Variants in NTN1 observed in about 807,000 individuals in gnomAD.
NTN1 encodes netrin-1.
A neutral mutation model predicts 54.2 loss-of-function variants in NTN1; 11 were observed. The ratio of observed to expected loss-of-function variants is 0.20; its 90% CI spans 0.13 to 0.34. NTN1 has a LOEUF of 0.34. Among genes scored for constraint, NTN1 ranks in the 10% least tolerant of loss-of-function variants. The pLI is 1.00. For synonymous variants in NTN1, 371 were observed against 382.0 expected (o/e 0.97, Z 0.33); for missense variants, 740 against 893.1 (o/e 0.83, Z 2.18).
intron 5 of NTN1, among the ~76,000 whole-genome samples, chr17:9,184,238 T>C (rs1199478148): frequency 6.6e-6 from 1 of 152,208 alleles, no homozygotes; most frequent in Non-Finnish European, 1.5e-5. Flanking sequence ...CAGAGGCAGC[T>C]CTGGGAAAGC....
chr17:9,054,476 CT>C (rs1280732027), intron 2 of NTN1, among the ~76,000 whole-genome samples: 2 of 152,162 alleles, frequency 1.3e-5, no homozygotes, highest in African/African-American at 2.4e-5. Flanking sequence ...TTAAAGCCCC[CT>C]GTTTGTTCTA....
intron 1 of NTN1, among the ~76,000 whole-genome samples, chr17:9,021,815 G>A (rs907120458): frequency 6.6e-6 from 1 of 152,068 alleles, no homozygotes; most frequent in Non-Finnish European, 1.5e-5. Context: ...CGACCGGCGC[G>A]CGGGCTCCCC....
intron 2 of NTN1, among the ~76,000 whole-genome samples, chr17:9,045,653 GA>G (rs2091939406): frequency 6.6e-6 from 1 of 152,102 alleles, no homozygotes; most frequent in African/African-American, 2.4e-5. Flanking sequence ...AAAATTAATA[GA>G]ATAAGCCAGA....
At chr17:9,089,138 C>T (rs1479236537) in intron 2 of NTN1, among the ~76,000 whole-genome samples, 6 of 152,074 alleles carry the variant, frequency 3.9e-5, no homozygotes, top group Non-Finnish European at 7.4e-5. Flanking sequence ...GGGTGCCAGG[C>T]GCGGTGGCTC....
At chr17:9,049,601 T>G (rs1232802490) in intron 2 of NTN1, among the ~76,000 whole-genome samples, 1 of 152,168 alleles carries the variant, frequency 6.6e-6, no homozygotes, top group East Asian at 1.9e-4. Context: ...ATGAGAGACA[T>G]TCTAGAAAAT....
At chr17:9,043,829 C>T (rs771319246) in intron 2 of NTN1, among the ~76,000 whole-genome samples, 1 of 152,136 alleles carries the variant, frequency 6.6e-6, no homozygotes, top group African/African-American at 2.4e-5. Flanking sequence ...ATCCACCCGC[C>T]TCGGCTTCTG....
intron 4 of NTN1, 137 bp from the exon 5 acceptor site, chr17:9,182,779 C>A: frequency 1.1e-6 from 1 of 885,308 alleles, no homozygotes; most frequent in Non-Finnish European, 1.9e-6. Flanking sequence ...TCCTCTTGAG[C>A]CAAGGAGTGG....
chr17:9,182,561 C>A (rs1266654465), intron 4 of NTN1, among the ~76,000 whole-genome samples: 1 of 152,246 alleles, frequency 6.6e-6, no homozygotes, highest in Non-Finnish European at 1.5e-5. Context: ...GTAGCCACAT[C>A]ACGATGAGCA....
At chr17:9,045,718 G>A (rs1597468255) in intron 2 of NTN1, among the ~76,000 whole-genome samples, 1 of 152,178 alleles carries the variant, frequency 6.6e-6, no homozygotes, top group Non-Finnish European at 1.5e-5. Flanking sequence ...AAGTCAATGA[G>A]CCAGAAAACA....
intron 5 of NTN1, among the ~76,000 whole-genome samples, chr17:9,195,757 C>A (rs7207143): frequency 6.6e-6 from 1 of 151,992 alleles, no homozygotes; most frequent in Non-Finnish European, 1.5e-5. Flanking sequence ...GCTCGCCTGG[C>A]AGAATCTTCA....
At chr17:9,197,847 C>A (rs931306817) in intron 5 of NTN1, among the ~76,000 whole-genome samples, 1 of 152,080 alleles carries the variant, frequency 6.6e-6, no homozygotes, top group African/African-American at 2.4e-5. Context: ...TCCTTCAGCC[C>A]AAGGATTAGG....
At chr17:9,081,283 G>A (rs1478976385) in intron 2 of NTN1, among the ~76,000 whole-genome samples, 1 of 152,186 alleles carries the variant, frequency 6.6e-6, no homozygotes, top group Non-Finnish European at 1.5e-5. Flanking sequence ...TGTGGGGTGA[G>A]TGTGAGGAGA....
In NTN1 at chr17:9,162,874, G is replaced by C. The variant is rs375467976; in HGVS notation, c.1080G>C (p.Ser360=). ...TCAACATGGAGCTCTACAAGCTTTC[G>C]GGGCGCAAGAGCGGAGGTGTCTGCC... ...CRFNMELYKL[S]GRKSGGVCLN... Residue 360 remains serine (S), a synonymous_variant, in exon 3 of 7, where the codon TCG becomes TCC. Transcript: ENST00000173229. The C allele has an allele frequency of 3.1e-6, 5 of 1,614,066 alleles. No individual in the cohort carries two copies. Among genetic ancestry groups the C allele is most frequent in the South Asian group, 1.1e-5 (1 of 91,088 alleles).
chr17:9,129,803 C>G (rs746337185), intron 2 of NTN1, among the ~76,000 whole-genome samples: 10 of 152,196 alleles, frequency 6.6e-5, no homozygotes, highest in Non-Finnish European at 1.5e-4. Flanking sequence ...GCCATTGACT[C>G]CTGAGCCATC....
the NTN1 span, among the ~76,000 whole-genome samples, chr17:9,012,167 C>A: frequency 0.27 from 41,641 of 151,880 alleles, 5,798 homozygotes; most frequent in South Asian, 0.38. Context: ...CTTGGTCTAG[C>A]TCTCAGCCTC....
intron 2 of NTN1, among the ~76,000 whole-genome samples, chr17:9,089,737 A>G (rs536521829): frequency 1.3e-5 from 2 of 152,274 alleles, no homozygotes; most frequent in East Asian, 1.9e-4. Flanking sequence ...ACACCACGGC[A>G]CTGGAGACAA....
chr17:9,190,845 GTGTC>G (rs1904434236), intron 5 of NTN1, among the ~76,000 whole-genome samples: 1 of 151,536 alleles, frequency 6.6e-6, no homozygotes, highest in Non-Finnish European at 1.5e-5. Flanking sequence ...GAGCAGGACT[GTGTC>G]TGGAAAAAAA....
intron 2 of NTN1, among the ~76,000 whole-genome samples, chr17:9,065,548 G>A (rs926319664): frequency 6.6e-6 from 1 of 152,186 alleles, no homozygotes; most frequent in African/African-American, 2.4e-5. Flanking sequence ...AAATGATCTC[G>A]TACTTGTCCA....
At chr17:9,186,586 G>A (rs2092433489) in intron 5 of NTN1, among the ~76,000 whole-genome samples, 1 of 152,250 alleles carries the variant, frequency 6.6e-6, no homozygotes, top group South Asian at 2.1e-4. Context: ...GCCTGGGGTG[G>A]GAGTGGCTGC....
Sources: gnomAD v4.1 joint callset for allele counts (sites outside exome capture counted in the v4.1 genomes callset) on GRCh38, gnomAD v4.1.1 for gene constraint, MANE v1.5 for transcripts, NCBI Gene and HGNC (gene_info 2026-07-23, HGNC 2026-07-21) for gene names.